The following GSTO1 variants were observed in gnomAD, a reference collection of about 807,000 sequenced individuals.
The protein encoded by GSTO1 is glutathione S-transferase omega 1, also known as glutathione S-transferase omega-1.
A neutral mutation model predicts 23.8 loss-of-function variants in GSTO1; 27 were observed. The observed-to-expected ratio is 1.13, with a 90% CI of 0.83 to 1.56. GSTO1 has a LOEUF of 1.56. GSTO1 is among the 40% of genes most tolerant of loss of function. The pLI is 0.00. For synonymous variants in GSTO1, 105 were observed against 109.3 expected (o/e 0.96, Z 0.25); for missense variants, 255 against 285.8 (o/e 0.89, Z 0.78).
chr10:104,267,428 A>T lies in GSTO1; in HGVS notation c.*23A>T, dbSNP rs17885600. The stretch of plus-strand genomic sequence containing the variant: ...TGAAGGGGGCAGGAGTCAGCAATAA[A>T]GCTATGTCTGATATTTTCCTTCACT... On this transcript the variant is annotated 3_prime_UTR_variant, in exon 6 of 6. Transcript: ENST00000369713. The T allele has an allele frequency of 0.012, 18,950 of 1,549,344 alleles. 155 individuals carry two copies. The highest frequency in any genetic ancestry group is 0.015 in the Non-Finnish European group (16,780 of 1,147,826).
chr10:104,261,818 C>T (rs1354911956), intron 3 of GSTO1, among the ~76,000 whole-genome samples: 1 of 152,186 alleles, frequency 6.6e-6, no homozygotes, highest in African/African-American at 2.4e-5. Context: ...GAGTGGACTT[C>T]TGCGTCTTGC....
At chr10:104,262,585 G>A (rs539380939) in intron 3 of GSTO1, among the ~76,000 whole-genome samples, 3 of 152,268 alleles carry the variant, frequency 2.0e-5, no homozygotes, top group East Asian at 1.9e-4. Flanking sequence ...GGTGGCGCAC[G>A]CCCATAATCT....
At chr10:104,256,886 ATTTT>A (rs112642328) in intron 2 of GSTO1, among the ~76,000 whole-genome samples, 3 of 144,714 alleles carry the variant, frequency 2.1e-5, no homozygotes. Flanking sequence ...GAGCCAAATA[ATTTT>A]TTTTTTTTTT....
chr10:104,263,007 GA>G lies in GSTO1; in HGVS notation c.397del (p.Ser133AlafsTer10). The G allele has an allele frequency of 6.5e-7, 1 of 1,538,300 alleles. No homozygotes were observed. The highest frequency in any genetic ancestry group is 9.0e-7 in the Non-Finnish European group (1 of 1,112,834). On this transcript the variant is annotated frameshift_variant, in exon 4 of 6. Transcript: ENST00000369713. LOFTEE classifies it high-confidence loss of function. ...CCATCCTTGGTAGGAAGCTTTATTA[GA>G]AGCCAAAATAAAGAAGACTATGCTG... ...KVPSLVGSFIRSQNKEDYAGL... is the reference protein window; with the variant it reads ...KVPSLVGSFIXSQNKEDYAGL...
chr10:104,267,024 A>G (rs546265115), intron 5 of GSTO1, among the ~76,000 whole-genome samples: 33 of 152,326 alleles, frequency 2.2e-4, no homozygotes, highest in African/African-American at 7.9e-4. Flanking sequence ...AAGTTCTCAC[A>G]TTAACTGAAC....
At position 104,255,273 on chromosome 10, in the gene GSTO1, T is replaced by A; in HGVS notation, c.143+2T>A. The A allele has an allele frequency of 6.3e-7, 1 of 1,593,176 alleles. No individual in the cohort carries two copies. Among genetic ancestry groups the A allele is most frequent in the African/African-American group, 1.3e-5 (1 of 74,532 alleles). The stretch of plus-strand genomic sequence containing the variant: ...AGTCCTGAAGGCCAAGGGAATCAGG[T>A]GGGCACCCAGGCGGGGGACGCTCCC... On this transcript the variant is annotated splice_donor_variant, in intron 2 of 5. Coordinates refer to ENST00000369713, the MANE Select transcript of GSTO1 (RefSeq NM_004832.3). LOFTEE classifies it high-confidence loss of function.
intron 3 of GSTO1, 31 bp from the exon 4 acceptor site, chr10:104,262,948 C>A: frequency 1.0e-6 from 1 of 958,150 alleles, no homozygotes; most frequent in Non-Finnish European, 1.7e-6. Flanking sequence ...TAGCCATAAA[C>A]TGATAAACTA....
chr10:104,256,547 C>A, intron 2 of GSTO1, among the ~76,000 whole-genome samples: 1 of 152,188 alleles, frequency 6.6e-6, no homozygotes, highest in East Asian at 1.9e-4. Context: ...GAGTGGTTAA[C>A]AGCTTCCAGA....
chr10:104,263,564 G>A (rs796928556), intron 4 of GSTO1, among the ~76,000 whole-genome samples: 10 of 152,304 alleles, frequency 6.6e-5, no homozygotes, highest in African/African-American at 2.2e-4. Context: ...GGGAAGCCCA[G>A]ATGTATTTTA....
Sources: allele counts gnomAD v4.1 joint callset (sites outside exome capture counted in the v4.1 genomes callset), GRCh38; gene constraint gnomAD v4.1.1; transcripts MANE v1.5; gene names NCBI Gene and HGNC (gene_info 2026-07-23, HGNC 2026-07-21).